Variants in TMEM164 observed in about 807,000 individuals in gnomAD.
TMEM164 encodes RP13-360B22.2.
Under a neutral mutation model 18.8 loss-of-function variants are expected in TMEM164, and 4 were observed. That is an observed-to-expected ratio of 0.21 (90% CI 0.10 to 0.49). TMEM164 has a LOEUF of 0.49. Among genes scored for constraint, TMEM164 ranks in the 20% least tolerant of loss-of-function variants. The probability of loss-of-function intolerance (pLI) is 0.98; values close to 1 mark genes in which losing one functional copy is unlikely to be tolerated. For synonymous variants in TMEM164, 86 were observed against 101.7 expected, an observed-to-expected ratio of 0.85 and a Z score of 0.93; for missense variants, 108 against 239.9, an observed-to-expected ratio of 0.45 and a Z score of 3.63.
At chrX:110,067,546 C>A in intron 3 of TMEM164, 150 bp downstream of exon 3, 1 of 506,319 alleles carries the variant, frequency 2.0e-6, no homozygotes, top group Non-Finnish European at 3.3e-6. Flanking sequence ...TGAGGGCCTA[C>A]TGAAACAGGG....
intron 2 of TMEM164, among the ~76,000 whole-genome samples, chrX:110,035,082 A>C (rs779426529): frequency 3.1e-3 from 127 of 41,097 alleles, no homozygotes; most frequent in African/African-American, 0.011. Flanking sequence ...GGGTGGGGGG[A>C]GGGGGGAGGG....
At chrX:110,095,622 G>A (rs1022021031) in intron 3 of TMEM164, among the ~76,000 whole-genome samples, 8 of 111,915 alleles carry the variant, frequency 7.1e-5, no homozygotes, top group Non-Finnish European at 1.5e-4. Context: ...CGATGGGTTC[G>A]AACATCCTCT....
chrX:110,112,929 C>T (rs184214446), intron 4 of TMEM164, among the ~76,000 whole-genome samples: 2 of 111,471 alleles, frequency 1.8e-5, no homozygotes, highest in Middle Eastern at 4.6e-3. Context: ...AGAGTTAGGG[C>T]TCCAACATAT....
At chrX:110,086,303 C>T (rs1036225811) in intron 3 of TMEM164, among the ~76,000 whole-genome samples, 4 of 111,841 alleles carry the variant, frequency 3.6e-5, no homozygotes, top group Non-Finnish European at 7.5e-5. Flanking sequence ...AGATTGGCAA[C>T]CATTTCCTGT....
At chrX:110,080,888 A>ATTT (rs367869176) in intron 3 of TMEM164, among the ~76,000 whole-genome samples, 24 of 74,548 alleles carry the variant, frequency 3.2e-4, no homozygotes, top group African/African-American at 1.7e-3. Context: ...CTAGCTAATA[A>ATTT]TTTTTTTTTT....
intron 5 of TMEM164, among the ~76,000 whole-genome samples, chrX:110,163,276 G>C (rs1391111590): frequency 8.9e-6 from 1 of 112,430 alleles, no homozygotes; most frequent in African/African-American, 3.2e-5. Context: ...AGGCACATAT[G>C]TAATTTCAAA....
At chrX:110,152,010 G>A (rs2066946019) in intron 5 of TMEM164, among the ~76,000 whole-genome samples, 1 of 107,240 alleles carries the variant, frequency 9.3e-6, no homozygotes, top group African/African-American at 3.4e-5. Flanking sequence ...TGCCATGCAG[G>A]ATTTTAAAAT....
Position 110,144,710 on chromosome X carries a change from T to C in TMEM164, c.508-88T>C, listed in dbSNP as rs1034706071. 5.9e-6 allele frequency: 4 copies of C among 675,545 alleles called. No homozygotes were observed. The East Asian group carries it at 1.4e-4, about 23-fold the overall frequency. 55.7% of individuals were successfully genotyped at this position (675,545 alleles called of 1,213,427 possible). On this transcript the variant is annotated intron_variant, in intron 4 of 6. Coordinates refer to ENST00000372068, the MANE Select transcript of TMEM164 (RefSeq NM_032227.4). ...ATGCATGGGATTGCTGAAATATGGGTCCTGAACAGCAGGGGAGGTCAACTT... is the reference window on the plus strand; with the variant it reads ...ATGCATGGGATTGCTGAAATATGGGCCCTGAACAGCAGGGGAGGTCAACTT...
intron 2 of TMEM164, among the ~76,000 whole-genome samples, chrX:110,019,128 C>A (rs1346566496): frequency 2.7e-5 from 3 of 111,283 alleles, no homozygotes; most frequent in Non-Finnish European, 5.7e-5. Flanking sequence ...GCTTGAAAGC[C>A]ATGCATCCTA....
chrX:110,092,224 A>G (rs1462745593), intron 3 of TMEM164, among the ~76,000 whole-genome samples: 2 of 111,963 alleles, frequency 1.8e-5, no homozygotes, highest in African/African-American at 6.5e-5. Flanking sequence ...ACTTTAAAGT[A>G]GTTTTTTCCA....
chrX:110,095,465 T>A (rs939202922), intron 3 of TMEM164, among the ~76,000 whole-genome samples: 1 of 112,229 alleles, frequency 8.9e-6, no homozygotes, highest in Non-Finnish European at 1.9e-5. Context: ...TTCCACTTGA[T>A]TGAATCAGCT....
At chrX:110,050,831 G>GT (rs1314432029) in intron 2 of TMEM164, among the ~76,000 whole-genome samples, 1 of 112,254 alleles carries the variant, frequency 8.9e-6, no homozygotes, top group African/African-American at 3.2e-5. Context: ...AAGAAAGCAA[G>GT]TTTTTAAGGG....
chrX:110,014,069 T>C (rs1200374165), intron 2 of TMEM164, among the ~76,000 whole-genome samples: 1 of 111,077 alleles, frequency 9.0e-6, no homozygotes, highest in African/African-American at 3.3e-5. Context: ...GAGGATTAAG[T>C]GAGAAAAATG....
At chrX:110,136,697 TC>T (rs2066696124) in intron 4 of TMEM164, among the ~76,000 whole-genome samples, 1 of 111,184 alleles carries the variant, frequency 9.0e-6, no homozygotes, top group Admixed American at 9.6e-5. Context: ...AGCCTGTTCT[TC>T]CTTCCTCATC....
At position 110,177,501 on chromosome X, in the gene TMEM164, A is replaced by AT. The variant is rs1316223800; in HGVS notation, c.*4055dup. On this transcript the variant is annotated 3_prime_UTR_variant, in exon 7 of 7. Coordinates refer to ENST00000372068, the MANE Select transcript of TMEM164 (RefSeq NM_032227.4). ...CTCCCTAAACAGCAGCAGGCTTAGG[A>AT]TTTTTGTCAGGCTGGTTCTTGCGTG... is the stretch of plus-strand genomic sequence containing the variant. The AT allele has an allele frequency of 1.8e-5, 2 of 112,017 alleles. No homozygotes were observed. Among genetic ancestry groups the AT allele is most frequent in the Admixed American group, 9.4e-5 (1 of 10,648 alleles). The allele number at this position is 112,017 out of a possible 1,213,427, so 9.2% of individuals were successfully genotyped here. A position where few individuals can be genotyped will look rare whatever the true frequency, so the allele number is the denominator to read the frequency against.
chrX:110,100,746 A>ATT (rs921413502), intron 3 of TMEM164, among the ~76,000 whole-genome samples: 3 of 105,320 alleles, frequency 2.8e-5, no homozygotes, highest in African/African-American at 1.0e-4. Flanking sequence ...TAATTTTTGT[A>ATT]TTTTTTTTTT....
At chrX:110,086,341 C>T (rs973922566) in intron 3 of TMEM164, among the ~76,000 whole-genome samples, 4 of 111,544 alleles carry the variant, frequency 3.6e-5, no homozygotes, top group African/African-American at 1.3e-4. Context: ...ATATTTTAGA[C>T]TTTGCAAGCC....
At chrX:110,037,763 A>G (rs183057684) in intron 2 of TMEM164, among the ~76,000 whole-genome samples, 57 of 111,991 alleles carry the variant, frequency 5.1e-4, no homozygotes, top group African/African-American at 1.8e-3. Context: ...GCAAATTTCT[A>G]ATTTTACTGT....
At chrX:110,180,340 G>A (rs1237289643), downstream of TMEM164, among the ~76,000 whole-genome samples, 1 of 112,519 alleles carries the variant, frequency 8.9e-6, no homozygotes, top group Non-Finnish European at 1.9e-5. Context: ...CCTTGTCCTG[G>A]TTTGCCAGTG....
Sources: gnomAD v4.1 joint callset for allele counts (sites outside exome capture counted in the v4.1 genomes callset) on GRCh38, gnomAD v4.1.1 for gene constraint, MANE v1.5 for transcripts, NCBI Gene and HGNC (gene_info 2026-07-23, HGNC 2026-07-21) for gene names.